Variants in AUTS2 observed in about 807,000 individuals in gnomAD.
The protein encoded by AUTS2 is activator of transcription and developmental regulator AUTS2.
AUTS2 carries 17 observed loss-of-function variants against 112.4 expected under a neutral mutation model. That is an observed-to-expected ratio of 0.15 (90% CI 0.10 to 0.23). The LOEUF is 0.23. Ranked by LOEUF, AUTS2 falls within the 10% of genes least tolerant of loss-of-function variation. The pLI is 1.00. For missense variants in AUTS2, 1,510 were observed against 1,701.6 expected, an observed-to-expected ratio of 0.89 and a Z score of 1.98; for synonymous variants, 751 against 702.7, an observed-to-expected ratio of 1.07 and a Z score of -1.09.
At chr7:69,890,537 G>A (rs1207497869) in intron 1 of AUTS2, among the ~76,000 whole-genome samples, 1 of 152,100 alleles carries the variant, frequency 6.6e-6, no homozygotes, top group Non-Finnish European at 1.5e-5. Flanking sequence ...TTTAGGAGCA[G>A]TAAAATTTAT....
At chr7:69,655,519 A>C (rs1341259325) in intron 1 of AUTS2, among the ~76,000 whole-genome samples, 7 of 152,210 alleles carry the variant, frequency 4.6e-5, no homozygotes, top group Non-Finnish European at 1.0e-4. Context: ...GACCTACTGA[A>C]CCAGAAATTC....
intron 1 of AUTS2, among the ~76,000 whole-genome samples, chr7:69,853,673 C>T (rs1365910430): frequency 6.6e-6 from 1 of 152,004 alleles, no homozygotes; most frequent in African/African-American, 2.4e-5. Context: ...TCCTTGCATC[C>T]TAAGGTCCCT....
chr7:70,226,531 G>C (rs559653958), intron 4 of AUTS2, among the ~76,000 whole-genome samples: 1 of 151,902 alleles, frequency 6.6e-6, no homozygotes, highest in South Asian at 2.1e-4. Context: ...ACATATTACA[G>C]ATTATTTTTT....
intron 1 of AUTS2, among the ~76,000 whole-genome samples, chr7:69,720,518 A>G (rs974438673): frequency 1.3e-5 from 2 of 152,220 alleles, no homozygotes; most frequent in Non-Finnish European, 1.5e-5. Flanking sequence ...GCTATTATGA[A>G]TCATTTTCTA....
chr7:69,737,774 T>C (rs528152695), intron 1 of AUTS2, among the ~76,000 whole-genome samples: 1 of 152,228 alleles, frequency 6.6e-6, no homozygotes, highest in South Asian at 2.1e-4. Flanking sequence ...AAAAGCCTTG[T>C]TACAGTGAAC....
At chr7:70,360,808 A>G (rs1309370716) in intron 4 of AUTS2, among the ~76,000 whole-genome samples, 2 of 152,232 alleles carry the variant, frequency 1.3e-5, no homozygotes, top group East Asian at 3.9e-4. Flanking sequence ...TGAAGGACTC[A>G]TTGTCACATT....
At chr7:70,448,287 T>C (rs1005466050) in intron 5 of AUTS2, among the ~76,000 whole-genome samples, 2 of 152,142 alleles carry the variant, frequency 1.3e-5, no homozygotes, top group African/African-American at 4.8e-5. Context: ...CATGATAGGG[T>C]TGTAATTCAT....
In AUTS2 at chr7:69,627,678, A is replaced by G. The variant is rs528148111; in HGVS notation, c.309+27716A>G. Among the ~76,000 whole-genome samples the G allele has an allele frequency of 1.1e-3, 163 of 152,122 alleles. 1 individual carries two copies. Among genetic ancestry groups the G allele is most frequent in the African/African-American group, 3.8e-3 (159 of 41,506 alleles). On this transcript the variant is annotated intron_variant, in intron 1 of 18. Transcript: ENST00000342771. ...CTGTGGATTAAGAGTAGGGGAGAGC[A>G]TGGTTATGAAGATGAATCTTGCTTT...
At chr7:69,660,748 C>T (rs1795749857) in intron 1 of AUTS2, among the ~76,000 whole-genome samples, 1 of 152,110 alleles carries the variant, frequency 6.6e-6, no homozygotes, top group Non-Finnish European at 1.5e-5. Context: ...CTGGCTAACA[C>T]AGTGAAAACC....
chr7:69,720,380 G>A (rs888322898), intron 1 of AUTS2, among the ~76,000 whole-genome samples: 2 of 152,140 alleles, frequency 1.3e-5, no homozygotes, highest in African/African-American at 4.8e-5. Context: ...TCCCAGCCTG[G>A]CTCTTGGAAA....
intron 5 of AUTS2, among the ~76,000 whole-genome samples, chr7:70,560,526 C>A (rs939458173): frequency 6.6e-6 from 1 of 152,186 alleles, no homozygotes; most frequent in Admixed American, 6.5e-5. Context: ...TTTAAGCTTT[C>A]TAATAAACTT....
intron 5 of AUTS2, among the ~76,000 whole-genome samples, chr7:70,494,239 T>C (rs1218083586): frequency 6.6e-6 from 1 of 152,168 alleles, no homozygotes; most frequent in Non-Finnish European, 1.5e-5. Context: ...AGATATCAAA[T>C]TGAGAAATCT....
chr7:69,619,862 G>A (rs1422037520), intron 1 of AUTS2, among the ~76,000 whole-genome samples: 1 of 152,104 alleles, frequency 6.6e-6, no homozygotes, highest in Non-Finnish European at 1.5e-5. Context: ...GTGTCGCATT[G>A]TTTTTTGATG....
chr7:69,704,444 A>AT (rs1212815233), intron 1 of AUTS2, among the ~76,000 whole-genome samples: 1 of 151,802 alleles, frequency 6.6e-6, no homozygotes, highest in African/African-American at 2.4e-5. Context: ...CGCCCGGCTA[A>AT]TTTTTTTGTA....
intron 5 of AUTS2, among the ~76,000 whole-genome samples, chr7:70,634,562 G>A (rs544485803): frequency 2.8e-4 from 43 of 152,252 alleles, no homozygotes; most frequent in East Asian, 9.7e-4. Context: ...GCCTGGCTCC[G>A]TCACCTTTGT....
At chr7:69,854,636 T>A (rs1237708839) in intron 1 of AUTS2, among the ~76,000 whole-genome samples, 2 of 152,166 alleles carry the variant, frequency 1.3e-5, no homozygotes, top group African/African-American at 2.4e-5. Flanking sequence ...TTCCAATTGA[T>A]TCATCTTTAG....
intron 1 of AUTS2, among the ~76,000 whole-genome samples, chr7:69,786,575 C>T (rs1375556536): frequency 1.3e-5 from 2 of 152,192 alleles, no homozygotes; most frequent in Non-Finnish European, 2.9e-5. Flanking sequence ...GCTACTCACT[C>T]TTTGGGTCCG....
intron 4 of AUTS2, among the ~76,000 whole-genome samples, chr7:70,144,168 G>A (rs578215839): frequency 6.6e-6 from 1 of 151,954 alleles, no homozygotes; most frequent in Non-Finnish European, 1.5e-5. Context: ...CCATTTGTGA[G>A]CAGATCTTAT....
At chr7:70,252,945 T>TGGG (rs1158487812) in intron 4 of AUTS2, among the ~76,000 whole-genome samples, 1 of 152,190 alleles carries the variant, frequency 6.6e-6, no homozygotes, top group Non-Finnish European at 1.5e-5. Flanking sequence ...ATTGGTAATT[T>TGGG]GTCTTTCTGC....
Sources: gnomAD v4.1 joint callset for allele counts (sites outside exome capture counted in the v4.1 genomes callset) on GRCh38, gnomAD v4.1.1 for gene constraint, MANE v1.5 for transcripts, NCBI Gene and HGNC (gene_info 2026-07-23, HGNC 2026-07-21) for gene names.